The following BCKDHB variants were observed in gnomAD, a reference collection of about 807,000 sequenced individuals.
BCKDHB encodes the protein branched chain keto acid dehydrogenase E1 subunit beta, also known as 2-oxoisovalerate dehydrogenase subunit beta, mitochondrial.
Under a neutral mutation model 48.5 loss-of-function variants are expected in BCKDHB, and 41 were observed. The ratio of observed to expected loss-of-function variants is 0.85; its 90% CI spans 0.66 to 1.10. The LOEUF is 1.10. Ranked by LOEUF, BCKDHB falls within the 50% of genes least tolerant of loss-of-function variation. The pLI is 0.00. For missense variants in BCKDHB, 496 were observed against 494.2 expected (o/e 1.00, Z -0.03); for synonymous variants, 201 against 174.8 (o/e 1.15, Z -1.18).
chr6:80,181,163 A>G (rs1029018768), intron 6 of BCKDHB, among the ~76,000 whole-genome samples: 1 of 152,182 alleles, frequency 6.6e-6, no homozygotes, highest in African/African-American at 2.4e-5. Flanking sequence ...GACTAAGACA[A>G]TTAGGTTTGC....
chr6:80,247,515 A>G (rs1213248581), intron 8 of BCKDHB, among the ~76,000 whole-genome samples: 1 of 152,244 alleles, frequency 6.6e-6, no homozygotes, highest in Non-Finnish European at 1.5e-5. Flanking sequence ...CATTAGATGT[A>G]GAAGGGAAAC....
chr6:80,339,801 A>G (rs931750280), intron 9 of BCKDHB, among the ~76,000 whole-genome samples: 2 of 152,192 alleles, frequency 1.3e-5, no homozygotes, highest in Admixed American at 1.3e-4. Context: ...TTGATAATCC[A>G]AGCCTGCCTT....
chr6:80,436,580 A>T, the BCKDHB span, among the ~76,000 whole-genome samples: 1 of 152,194 alleles, frequency 6.6e-6, no homozygotes, highest in Non-Finnish European at 1.5e-5. Flanking sequence ...CATCCTAGAC[A>T]TTCCTAAAAA....
the BCKDHB span, among the ~76,000 whole-genome samples, chr6:80,403,167 T>G: frequency 6.6e-6 from 1 of 151,908 alleles, no homozygotes; most frequent in Non-Finnish European, 1.5e-5. Flanking sequence ...TGATAGGAAT[T>G]GCATTGACTC....
At chr6:80,168,543 AAGGG>A (rs549040889) in intron 4 of BCKDHB, among the ~76,000 whole-genome samples, 147 of 123,484 alleles carry the variant, frequency 1.2e-3, no homozygotes, top group African/African-American at 4.2e-3. Flanking sequence ...GGAAGGAAGG[AAGGG>A]AGGGAGGGAG....
chr6:80,207,997 A>C (rs1774747469), intron 8 of BCKDHB, among the ~76,000 whole-genome samples: 1 of 151,800 alleles, frequency 6.6e-6, no homozygotes, highest in Non-Finnish European at 1.5e-5. Flanking sequence ...GATCTGAACA[A>C]AGCAATTTGT....
chr6:80,462,598 G>C, the BCKDHB span, among the ~76,000 whole-genome samples: 1 of 152,152 alleles, frequency 6.6e-6, no homozygotes, highest in Non-Finnish European at 1.5e-5. Flanking sequence ...AGTGTTTCAG[G>C]AGTCTTCTCC....
At chr6:80,390,688 A>G in the BCKDHB span, among the ~76,000 whole-genome samples, 4 of 152,078 alleles carry the variant, frequency 2.6e-5, no homozygotes, top group Admixed American at 6.6e-5. Flanking sequence ...TGACCTTACT[A>G]TTGTCTTTCT....
intron 8 of BCKDHB, among the ~76,000 whole-genome samples, chr6:80,241,831 A>G (rs1156296683): frequency 6.6e-6 from 1 of 152,154 alleles, no homozygotes; most frequent in Non-Finnish European, 1.5e-5. Context: ...CTGGGTTTAA[A>G]TTTGCCTTTC....
Position 80,268,030 on chromosome 6 carries a change from A to G in BCKDHB, c.952-5105A>G, listed in dbSNP as rs117523240. Among the ~76,000 whole-genome samples the G allele has an allele frequency of 3.0e-4, 45 of 152,152 alleles. No individual in the cohort carries two copies. The East Asian group carries it at 7.7e-3, about 26-fold the overall frequency. Reference sequence around the variant, plus strand: ...TTCAAGACATTCTCTGAAGCTCAGGACTGTTTTTTTGTTGTTGTTTAGCAT... The same window carrying G: ...TTCAAGACATTCTCTGAAGCTCAGGGCTGTTTTTTTGTTGTTGTTTAGCAT... On this transcript the variant is annotated intron_variant, in intron 8 of 9. Coordinates refer to ENST00000320393, the MANE Select transcript of BCKDHB (RefSeq NM_183050.4).
intron 3 of BCKDHB, among the ~76,000 whole-genome samples, chr6:80,157,641 T>C (rs1021805450): frequency 1.3e-5 from 2 of 151,118 alleles, no homozygotes; most frequent in African/African-American, 4.9e-5. Flanking sequence ...AATTTTTTTT[T>C]GTATTTTTTT....
At chr6:80,365,924 A>G in the BCKDHB span, among the ~76,000 whole-genome samples, 1 of 152,218 alleles carries the variant, frequency 6.6e-6, no homozygotes, top group Admixed American at 6.5e-5. Flanking sequence ...ATAGGAGGCT[A>G]TAATATAACA....
the BCKDHB span, among the ~76,000 whole-genome samples, chr6:80,437,338 C>CT: frequency 6.6e-6 from 1 of 152,322 alleles, no homozygotes; most frequent in South Asian, 2.1e-4. Context: ...CTCATGTATG[C>CT]ATTCTTTGAA....
the BCKDHB span, among the ~76,000 whole-genome samples, chr6:80,412,293 AC>A: frequency 6.6e-6 from 1 of 151,682 alleles, no homozygotes; most frequent in Non-Finnish European, 1.5e-5. Flanking sequence ...ACAGGCATGC[AC>A]CACCACACCT....
At chr6:80,272,662 A>T (rs1777796970) in intron 8 of BCKDHB, among the ~76,000 whole-genome samples, 2 of 152,158 alleles carry the variant, frequency 1.3e-5, no homozygotes, top group Non-Finnish European at 1.5e-5. Context: ...TTACTGCCAA[A>T]TTTTTCCTTT....
In BCKDHB at chr6:80,169,031, G is replaced by A. The variant is rs398124589; in HGVS notation, c.633+1G>A. 5.0e-6 allele frequency: 8 copies of A among 1,613,544 alleles called. No individual in the cohort carries two copies. The Admixed American group carries it at 5.0e-5, about 10-fold the overall frequency. ...TTTTGCCCATTGCCCAGGAATCAAG[G>A]TATGTTCATTTATGTACTTTATTTG... On this transcript the variant is annotated splice_donor_variant, in intron 5 of 9. Transcript: ENST00000320393. LOFTEE classifies it high-confidence loss of function.
chr6:80,173,403 A>C (rs1773007750), intron 6 of BCKDHB, among the ~76,000 whole-genome samples: 1 of 152,160 alleles, frequency 6.6e-6, no homozygotes, highest in African/African-American at 2.4e-5. Flanking sequence ...CTGCAGAAGA[A>C]ATTAGGATAG....
chr6:80,276,435 A>G (rs1201415004), intron 9 of BCKDHB, among the ~76,000 whole-genome samples: 1 of 151,948 alleles, frequency 6.6e-6, no homozygotes, highest in Non-Finnish European at 1.5e-5. Context: ...TAAGTTTATA[A>G]TTGGTATTTT....
chr6:80,115,210 A>G (rs1023934709), intron 1 of BCKDHB, among the ~76,000 whole-genome samples: 6 of 151,860 alleles, frequency 4.0e-5, no homozygotes, highest in Admixed American at 1.3e-4. Context: ...CACAGCCACA[A>G]TCATCATGTA....
Sources: allele counts gnomAD v4.1 joint callset (sites outside exome capture counted in the v4.1 genomes callset), GRCh38; gene constraint gnomAD v4.1.1; transcripts MANE v1.5; gene names NCBI Gene and HGNC (gene_info 2026-07-23, HGNC 2026-07-21).